DTNA: variants seen among roughly 807,000 people sequenced by gnomAD.
DTNA encodes the protein dystrobrevin alpha, also known as dystrophin-related protein 3.
A neutral mutation model predicts 100.7 loss-of-function variants in DTNA; 43 were observed. The observed-to-expected ratio is 0.43, with a 90% CI of 0.33 to 0.55. The LOEUF (loss-of-function observed/expected upper bound fraction) is 0.55, where lower values mean the gene tolerates loss of function less well. DTNA is among the 20% of genes least tolerant of loss of function. DTNA has a pLI of 0.04. For synonymous variants in DTNA, 349 were observed against 347.9 expected, an observed-to-expected ratio of 1.00 and a Z score of -0.04; for missense variants, 798 against 953.9, an observed-to-expected ratio of 0.84 and a Z score of 2.15.
At chr18:34,827,793 T>C in intron 10 of DTNA, 117 bp downstream of exon 10, 4 of 1,035,740 alleles carry the variant, frequency 3.9e-6, no homozygotes, top group Non-Finnish European at 6.0e-6. Context: ...AGAAACTAAC[T>C]TGCAAATATC....
At chr18:34,646,170 A>G (rs893388877) in intron 1 of DTNA, among the ~76,000 whole-genome samples, 2 of 152,244 alleles carry the variant, frequency 1.3e-5, no homozygotes, top group African/African-American at 4.8e-5. Flanking sequence ...CAGAATAAAC[A>G]AATGACAATA....
chr18:34,756,450 A>ATTGAC (rs1253176436), intron 2 of DTNA, among the ~76,000 whole-genome samples: 1 of 152,200 alleles, frequency 6.6e-6, no homozygotes, highest in Non-Finnish European at 1.5e-5. Context: ...GAAATGAATT[A>ATTGAC]TTGACTTTCT....
At chr18:34,617,011 A>G (rs756193154) in intron 1 of DTNA, among the ~76,000 whole-genome samples, 46 of 152,178 alleles carry the variant, frequency 3.0e-4, no homozygotes, top group Admixed American at 1.7e-3. Flanking sequence ...TATCATATCT[A>G]ATATCTTTTG....
chr18:34,581,268 AAAACAAAAAAAC>A (rs1347608933), intron 1 of DTNA, among the ~76,000 whole-genome samples: 1 of 147,892 alleles, frequency 6.8e-6, no homozygotes, highest in African/African-American at 2.6e-5. Flanking sequence ...AAAACAAAAC[AAAACAAAAAAAC>A]AAAACAAAAA....
chr18:34,682,117 T>C (rs1226033528), intron 1 of DTNA, among the ~76,000 whole-genome samples: 1 of 152,214 alleles, frequency 6.6e-6, no homozygotes, highest in Non-Finnish European at 1.5e-5. Flanking sequence ...TCATGGCTTT[T>C]CATGGCTTGA....
At chr18:34,576,118 A>G (rs1217937227) in intron 1 of DTNA, among the ~76,000 whole-genome samples, 9 of 152,248 alleles carry the variant, frequency 5.9e-5, no homozygotes, top group East Asian at 5.8e-4. Context: ...TTTGGGGAAA[A>G]TCCTAGAGTC....
intron 4 of DTNA, among the ~76,000 whole-genome samples, chr18:34,803,013 C>A (rs989601583): frequency 1.3e-5 from 2 of 152,140 alleles, no homozygotes; most frequent in Admixed American, 6.6e-5. Flanking sequence ...CTTTAGTGCT[C>A]CCATTCTCTG....
intron 1 of DTNA, among the ~76,000 whole-genome samples, chr18:34,749,520 C>T (rs181894769): frequency 3.9e-4 from 60 of 151,966 alleles, no homozygotes; most frequent in South Asian, 1.9e-3. Context: ...TCCAGGCTAG[C>T]GTGAGAGGCA....
chr18:34,617,494 C>T (rs1053716661), intron 1 of DTNA, among the ~76,000 whole-genome samples: 1 of 152,000 alleles, frequency 6.6e-6, no homozygotes, highest in African/African-American at 2.4e-5. Context: ...GTGGTGGACT[C>T]GCTTTTTGAT....
intron 1 of DTNA, among the ~76,000 whole-genome samples, chr18:34,610,717 G>A (rs2147504783): frequency 6.6e-6 from 1 of 152,258 alleles, no homozygotes; most frequent in Non-Finnish European, 1.5e-5. Flanking sequence ...TTTCTTTAAT[G>A]ATCTAGAACA....
chr18:34,732,140 A>AT (rs1172234210), intron 1 of DTNA, among the ~76,000 whole-genome samples: 1 of 152,148 alleles, frequency 6.6e-6, no homozygotes, highest in Non-Finnish European at 1.5e-5. Flanking sequence ...TGATCATTAC[A>AT]TTTTCAGACT....
At chr18:34,706,104 A>C (rs1258065422), upstream of DTNA, among the ~76,000 whole-genome samples, 1 of 152,124 alleles carries the variant, frequency 6.6e-6, no homozygotes, top group African/African-American at 2.4e-5. Context: ...ATACGCCACC[A>C]TGCCCAGCTA....
intron 2 of DTNA, among the ~76,000 whole-genome samples, chr18:34,761,783 C>G (rs576795386): frequency 6.6e-6 from 1 of 152,228 alleles, no homozygotes; most frequent in South Asian, 2.1e-4. Flanking sequence ...TATCTCAACT[C>G]TTAATTATGT....
At chr18:34,777,763 A>T (rs1054241695) in intron 3 of DTNA, among the ~76,000 whole-genome samples, 9 of 152,174 alleles carry the variant, frequency 5.9e-5, no homozygotes, top group African/African-American at 2.2e-4. Flanking sequence ...AGCATGGGGG[A>T]AACTGCCCCC....
intron 1 of DTNA, among the ~76,000 whole-genome samples, chr18:34,587,834 A>G (rs995337001): frequency 3.3e-5 from 5 of 152,192 alleles, no homozygotes; most frequent in African/African-American, 1.2e-4. Flanking sequence ...TAGGATGACC[A>G]ACTCTGGTTT....
chr18:34,503,479 G>A (rs544495268), intron 1 of DTNA, among the ~76,000 whole-genome samples: 28 of 151,680 alleles, frequency 1.8e-4, no homozygotes, highest in African/African-American at 6.8e-4. Flanking sequence ...AGTAGAGACA[G>A]GGTTCCACCT....
At chr18:34,505,246 C>G (rs2144725974) in intron 1 of DTNA, among the ~76,000 whole-genome samples, 1 of 152,312 alleles carries the variant, frequency 6.6e-6, no homozygotes, top group East Asian at 1.9e-4. Context: ...CAATTTCTTT[C>G]CTCTGTCATC....
rs2076755457 is a variant in DTNA, at chr18:34,671,513, C to G, written c.-1-84463C>G. On this transcript the variant is annotated intron_variant, in intron 1 of 19. Transcript: ENST00000283365. ...TGGGAGCTGTAGACTGGAGCTGTTC[C>G]TATTTGGCCATCTTCAAGAATGATG... 2.0e-5 allele frequency among the ~76,000 whole-genome samples: 3 copies of G among 152,176 alleles called. No individual in the cohort carries two copies. The South Asian group carries it at 6.2e-4, about 31-fold the overall frequency.
chr18:34,680,432 A>C (rs888722536), intron 1 of DTNA, among the ~76,000 whole-genome samples: 4 of 152,154 alleles, frequency 2.6e-5, no homozygotes, highest in African/African-American at 9.7e-5. Context: ...TCTAGTTTTC[A>C]AAGTGTGGCT....
Sources: allele counts gnomAD v4.1 joint callset (sites outside exome capture counted in the v4.1 genomes callset), GRCh38; gene constraint gnomAD v4.1.1; transcripts MANE v1.5; gene names NCBI Gene and HGNC (gene_info 2026-07-23, HGNC 2026-07-21).